EYS: variants seen among roughly 807,000 people sequenced by gnomAD.
EYS encodes EGF-like photoreceptor maintenance factor, also known as protein eyes shut homolog.
A neutral mutation model predicts 282.1 loss-of-function variants in EYS; 250 were observed. That is an observed-to-expected ratio of 0.89 (90% confidence interval 0.80 to 0.98). The LOEUF (loss-of-function observed/expected upper bound fraction) is 0.98. EYS is among the 50% of genes least tolerant of loss of function. The pLI is 0.00. For missense variants in EYS, 4,016 were observed against 3,709.0 expected (o/e 1.08, Z -2.15); for synonymous variants, 1,355 against 1,282.9 (o/e 1.06, Z -1.20).
intron 19 of EYS, among the ~76,000 whole-genome samples, chr6:64,886,309 T>A (rs545965165): frequency 6.8e-6 from 1 of 146,458 alleles, no homozygotes; most frequent in South Asian, 2.2e-4. Flanking sequence ...TCACAATGGC[T>A]GTCTTTTTAT....
chr6:65,596,259 CT>C (rs1765400139), intron 2 of EYS, among the ~76,000 whole-genome samples: 1 of 152,072 alleles, frequency 6.6e-6, no homozygotes, highest in Admixed American at 6.6e-5. Flanking sequence ...CAAAACTGAA[CT>C]ACATTCACAA....
chr6:64,586,932 T>C (rs1298982659), intron 26 of EYS, among the ~76,000 whole-genome samples: 1 of 152,124 alleles, frequency 6.6e-6, no homozygotes, highest in Non-Finnish European at 1.5e-5. Context: ...AGGAAAAGAA[T>C]GACAAATTGC....
At chr6:65,143,390 A>G (rs938098339) in intron 12 of EYS, among the ~76,000 whole-genome samples, 5 of 152,004 alleles carry the variant, frequency 3.3e-5, no homozygotes, top group Non-Finnish European at 7.4e-5. Flanking sequence ...AAAGGGCATT[A>G]AAATGTAAAG....
intron 29 of EYS, among the ~76,000 whole-genome samples, chr6:64,370,616 T>A (rs946264358): frequency 1.3e-5 from 2 of 152,140 alleles, no homozygotes; most frequent in Admixed American, 1.3e-4. Context: ...TCCTTATACA[T>A]CTGGTAGAAT....
intron 12 of EYS, among the ~76,000 whole-genome samples, chr6:65,073,270 ATATT>A (rs1219706045): frequency 2.0e-5 from 3 of 151,844 alleles, no homozygotes; most frequent in African/African-American, 4.8e-5. Flanking sequence ...ATACTTAAGA[ATATT>A]TAAACTGTGA....
intron 22 of EYS, among the ~76,000 whole-genome samples, chr6:64,731,248 G>A (rs550505288): frequency 6.6e-6 from 1 of 152,042 alleles, no homozygotes; most frequent in African/African-American, 2.4e-5. Flanking sequence ...AACACCAAAA[G>A]CAATTGCAAC....
intron 16 of EYS, among the ~76,000 whole-genome samples, chr6:64,907,856 A>G (rs1166602212): frequency 6.6e-6 from 1 of 152,122 alleles, no homozygotes; most frequent in African/African-American, 2.4e-5. Context: ...AAAGTCTGAG[A>G]TAATGATTTT....
chr6:63,986,582 A>G (rs1767377445), intron 34 of EYS, among the ~76,000 whole-genome samples: 1 of 151,806 alleles, frequency 6.6e-6, no homozygotes, highest in African/African-American at 2.4e-5. Flanking sequence ...CCATGGATGG[A>G]ATAATATGCA....
At chr6:65,537,925 G>C (rs540131794) in intron 2 of EYS, among the ~76,000 whole-genome samples, 1 of 152,292 alleles carries the variant, frequency 6.6e-6, no homozygotes, top group South Asian at 2.1e-4. Context: ...TATTGAGAAT[G>C]ATTAAGAGTC....
At chr6:65,447,607 AAC>A (rs1768723710) in intron 5 of EYS, among the ~76,000 whole-genome samples, 1 of 151,814 alleles carries the variant, frequency 6.6e-6, no homozygotes, top group African/African-American at 2.4e-5. Context: ...GCACTTAATG[AAC>A]ACATAGATTT....
At chr6:65,426,067 C>G (rs1013850663) in intron 5 of EYS, among the ~76,000 whole-genome samples, 12 of 152,038 alleles carry the variant, frequency 7.9e-5, no homozygotes, top group African/African-American at 2.9e-4. Context: ...CCTCAAACTC[C>G]TGGGCTAAGT....
rs371411001 is a variant in EYS, at chr6:65,321,048, A to G, written c.1766+13932T>C. 1.9e-4 allele frequency among the ~76,000 whole-genome samples: 29 copies of G among 152,066 alleles called. No individual in the cohort carries two copies. The East Asian group carries it at 3.3e-3, about 17-fold the overall frequency. The stretch of plus-strand genomic sequence containing the variant: ...CCTAGAAATATACTAAACGCTAAAC[A>G]TTGTCTCAGGTCTGCTGTTGGATAA... On this transcript the variant is annotated intron_variant, in intron 11 of 42. Transcript: ENST00000503581.
At position 65,577,173 on chromosome 6, in the gene EYS, A is replaced by G. The variant is rs142367761; in HGVS notation, c.-333+62605T>C. Among the ~76,000 whole-genome samples the G allele has an allele frequency of 1.4e-3, 210 of 152,096 alleles. 1 individual carries two copies. The highest frequency in any genetic ancestry group is 4.8e-3 in the African/African-American group (200 of 41,572). ...ATCACACTACCTGATTTCTAAATCT[A>G]TTACAAAGCTATAGTAATCAAAACA... On this transcript the variant is annotated intron_variant, in intron 2 of 42. Coordinates refer to ENST00000503581, the MANE Select transcript of EYS (RefSeq NM_001142800.2).
chr6:63,985,091 G>A (rs1477971399), intron 34 of EYS, among the ~76,000 whole-genome samples: 1 of 151,602 alleles, frequency 6.6e-6, no homozygotes, highest in Non-Finnish European at 1.5e-5. Context: ...TTAAGATGAG[G>A]TCAATACTGG....
intron 41 of EYS, among the ~76,000 whole-genome samples, chr6:63,757,612 G>A (rs1474608007): frequency 6.6e-6 from 1 of 152,012 alleles, no homozygotes; most frequent in Admixed American, 6.6e-5. Context: ...TGTGGCTCAG[G>A]TGGGCATCAC....
At chr6:65,574,062 C>T (rs886660256) in intron 2 of EYS, among the ~76,000 whole-genome samples, 2 of 152,104 alleles carry the variant, frequency 1.3e-5, no homozygotes, top group African/African-American at 2.4e-5. Flanking sequence ...AGTGGGAGTC[C>T]CTGCGCCCTA....
intron 36 of EYS, among the ~76,000 whole-genome samples, chr6:63,812,929 C>T (rs1771085954): frequency 6.6e-6 from 1 of 152,156 alleles, no homozygotes. Context: ...TAATATAATA[C>T]ATACTGAAAA....
chr6:64,802,033 C>CTTTTTTTTTTT (rs70999173), intron 22 of EYS, among the ~76,000 whole-genome samples: 73 of 112,532 alleles, frequency 6.5e-4, no homozygotes, highest in South Asian at 1.5e-3. Flanking sequence ...CTTTTTTTTT[C>CTTTTTTTTTTT]TTTTTTTTTT....
intron 15 of EYS, among the ~76,000 whole-genome samples, chr6:64,922,753 A>G (rs892967375): frequency 6.6e-6 from 1 of 152,128 alleles, no homozygotes; most frequent in Non-Finnish European, 1.5e-5. Context: ...CCTAGCTTCT[A>G]GGGTGTCCTG....
Sources: allele counts gnomAD v4.1 joint callset (sites outside exome capture counted in the v4.1 genomes callset), GRCh38; gene constraint gnomAD v4.1.1; transcripts MANE v1.5; gene names NCBI Gene and HGNC (gene_info 2026-07-23, HGNC 2026-07-21).